The following SLC39A11 variants were observed in gnomAD, a reference collection of about 807,000 sequenced individuals.
SLC39A11 encodes zinc transporter ZIP11.
SLC39A11 carries 33 observed loss-of-function variants against 36.1 expected under a neutral mutation model. The ratio of observed to expected loss-of-function variants is 0.91; its 90% CI spans 0.69 to 1.22. The LOEUF is 1.22. Among genes scored for constraint, SLC39A11 ranks in the 50% most tolerant of loss-of-function variants. The probability of loss-of-function intolerance (pLI) is 0.00; values close to 1 mark genes in which losing one functional copy is unlikely to be tolerated. For missense variants in SLC39A11, 432 were observed against 430.3 expected, an observed-to-expected ratio of 1.00 and a Z score of -0.03; for synonymous variants, 166 against 170.3, an observed-to-expected ratio of 0.97 and a Z score of 0.20.
At chr17:72,726,593 G>A (rs1437104998) in intron 7 of SLC39A11, among the ~76,000 whole-genome samples, 7 of 152,252 alleles carry the variant, frequency 4.6e-5, no homozygotes, top group South Asian at 4.1e-4. Flanking sequence ...CACATGTAAC[G>A]TATCTTACAC....
At position 72,993,853 on chromosome 17, in the gene SLC39A11, C is replaced by A. The variant is rs188949227; in HGVS notation, c.306+37703G>T. 6.6e-5 allele frequency among the ~76,000 whole-genome samples: 10 copies of A among 152,272 alleles called. 1 individual carries two copies. Among genetic ancestry groups the A allele is most frequent in the Middle Eastern group, 6.8e-3 (2 of 294 alleles). On this transcript the variant is annotated intron_variant, in intron 4 of 9. Coordinates refer to ENST00000255559, the MANE Select transcript of SLC39A11 (RefSeq NM_139177.4). ...GCCTACTGCCCCTTCCGAGTCAGCA[C>A]CCCCAATATGGTTTGGCTGTGTCCC...
chr17:73,080,955 AAAATAAATAAATAAAT>A (rs137991770), intron 3 of SLC39A11, among the ~76,000 whole-genome samples: 6 of 146,908 alleles, frequency 4.1e-5, no homozygotes, highest in African/African-American at 7.5e-5. Flanking sequence ...AAAAAACAAT[AAAATAAATAAATAAAT>A]AAATAAATAA....
intron 7 of SLC39A11, among the ~76,000 whole-genome samples, chr17:72,714,396 C>A (rs34835201): frequency 6.6e-6 from 1 of 151,714 alleles, no homozygotes; most frequent in East Asian, 1.9e-4. Context: ...ATAATAATTG[C>A]GGTTTTTGCC....
In SLC39A11 at chr17:72,768,760, A is replaced by G. The variant is rs894856217; in HGVS notation, c.602-32041T>C. Among the ~76,000 whole-genome samples the G allele has an allele frequency of 1.3e-4, 20 of 151,436 alleles. 1 individual carries two copies. Among genetic ancestry groups the G allele is most frequent in the Admixed American group, 5.9e-4 (9 of 15,210 alleles). On this transcript the variant is annotated intron_variant, in intron 6 of 9. Coordinates refer to ENST00000255559, the MANE Select transcript of SLC39A11 (RefSeq NM_139177.4). ...TTTTTATTTATTTATTTTGATTATTATTATTATTATTATTTTTTGAGATGG... is the reference window on the plus strand; with the variant it reads ...TTTTTATTTATTTATTTTGATTATTGTTATTATTATTATTTTTTGAGATGG...
intron 5 of SLC39A11, among the ~76,000 whole-genome samples, chr17:72,900,153 AAAAGAAAGAAAG>A (rs201428795): frequency 0.056 from 3,428 of 61,102 alleles, 230 homozygotes; most frequent in Middle Eastern, 0.11. Context: ...AGAAAGAAAG[AAAAGAAAGAAAG>A]AAAGAAAGAA....
At chr17:72,719,834 G>A (rs2073578869) in intron 7 of SLC39A11, among the ~76,000 whole-genome samples, 1 of 152,210 alleles carries the variant, frequency 6.6e-6, no homozygotes, top group African/African-American at 2.4e-5. Context: ...CAGTGGCAGA[G>A]GAGGAAAGGG....
At chr17:72,766,990 C>A (rs534275126) in intron 6 of SLC39A11, among the ~76,000 whole-genome samples, 1 of 152,232 alleles carries the variant, frequency 6.6e-6, no homozygotes, top group East Asian at 1.9e-4. Context: ...AGAGACATTC[C>A]AACCCCACTT....
At chr17:72,724,031 C>G (rs557716000) in intron 7 of SLC39A11, among the ~76,000 whole-genome samples, 1 of 152,220 alleles carries the variant, frequency 6.6e-6, no homozygotes, top group Admixed American at 6.5e-5. Flanking sequence ...AAATCTTAGA[C>G]GTGCAACTAT....
At chr17:72,989,804 T>C (rs1243424567) in intron 4 of SLC39A11, among the ~76,000 whole-genome samples, 2 of 152,248 alleles carry the variant, frequency 1.3e-5, no homozygotes, top group Non-Finnish European at 2.9e-5. Flanking sequence ...AGCCCTGGTA[T>C]ACCACTCTTC....
chr17:72,662,637 G>GAGAAAGAAAGA (rs1202737032), intron 7 of SLC39A11, among the ~76,000 whole-genome samples: 1 of 115,590 alleles, frequency 8.7e-6, no homozygotes, highest in Non-Finnish European at 1.8e-5. Context: ...AGAAGAAAGA[G>GAGAAAGAAAGA]AGAAAGAAAA....
At position 72,798,418 on chromosome 17, in the gene SLC39A11, CT is replaced by C. The variant is rs3060856; in HGVS notation, c.601+51215del. 4.8e-3 allele frequency among the ~76,000 whole-genome samples: 691 copies of C among 142,992 alleles called. 9 individuals carry two copies. The highest frequency in any genetic ancestry group is 0.016 in the African/African-American group (624 of 38,750). 93.8% of individuals were successfully genotyped at this position (142,992 alleles called of 152,430 possible). A position where few individuals can be genotyped will look rare whatever the true frequency, so the allele number is the denominator to read the frequency against. ...TCTGGTCTCTTCCACTTCTTTCTTT[CT>C]TTTTTTTTTTTTGAGATGGAGCCTC... On this transcript the variant is annotated intron_variant, in intron 6 of 9. Transcript: ENST00000255559.
intron 6 of SLC39A11, among the ~76,000 whole-genome samples, chr17:72,779,102 C>G (rs1281770182): frequency 1.3e-5 from 2 of 152,334 alleles, no homozygotes; most frequent in Admixed American, 6.5e-5. Flanking sequence ...AAAAGATTTT[C>G]ACTTAGTGTC....
intron 3 of SLC39A11, among the ~76,000 whole-genome samples, chr17:73,055,691 T>C (rs2059642979): frequency 6.6e-6 from 1 of 152,120 alleles, no homozygotes; most frequent in African/African-American, 2.4e-5. Flanking sequence ...CAGGTTGGTC[T>C]TGAACTCCTG....
At chr17:72,722,079 G>GGA (rs1555648506) in intron 7 of SLC39A11, among the ~76,000 whole-genome samples, 2 of 147,152 alleles carry the variant, frequency 1.4e-5, no homozygotes, top group African/African-American at 5.1e-5. Context: ...AGTAGCCAAA[G>GGA]AAAAAAAAAA....
At chr17:72,652,024 T>C (rs2069876613) in intron 7 of SLC39A11, among the ~76,000 whole-genome samples, 1 of 152,240 alleles carries the variant, frequency 6.6e-6, no homozygotes, top group African/African-American at 2.4e-5. Context: ...TTTTCTGTCA[T>C]GGGCCAGATA....
At chr17:72,705,547 G>A (rs909727539) in intron 7 of SLC39A11, among the ~76,000 whole-genome samples, 3 of 152,196 alleles carry the variant, frequency 2.0e-5, no homozygotes, top group African/African-American at 7.2e-5. Context: ...GGGTGAATGG[G>A]TTGGCCCATC....
chr17:72,767,689 G>A (rs552226466), intron 6 of SLC39A11, among the ~76,000 whole-genome samples: 7 of 152,272 alleles, frequency 4.6e-5, no homozygotes, highest in Non-Finnish European at 7.4e-5. Flanking sequence ...GCCTGTGTAC[G>A]TTCCCTTCAT....
intron 5 of SLC39A11, among the ~76,000 whole-genome samples, chr17:72,926,518 T>C (rs1414408641): frequency 6.6e-6 from 1 of 152,022 alleles, no homozygotes; most frequent in Non-Finnish European, 1.5e-5. Context: ...GGAAGATATT[T>C]TTTCTGGGGA....
intron 4 of SLC39A11, among the ~76,000 whole-genome samples, chr17:72,968,015 C>T (rs1420953011): frequency 1.3e-5 from 2 of 152,170 alleles, no homozygotes; most frequent in Non-Finnish European, 2.9e-5. Flanking sequence ...TCTTCTCCAC[C>T]TCCTGACAGC....
Sources: allele counts gnomAD v4.1 joint callset (sites outside exome capture counted in the v4.1 genomes callset), GRCh38; gene constraint gnomAD v4.1.1; transcripts MANE v1.5; gene names NCBI Gene and HGNC (gene_info 2026-07-23, HGNC 2026-07-21).